METTL8: variants seen among roughly 807,000 people sequenced by gnomAD.
METTL8 encodes methyltransferase 8, tRNA N3-cytidine.
A neutral mutation model predicts 48.7 loss-of-function variants in METTL8; 32 were observed. The observed-to-expected ratio is 0.66, with a 90% confidence interval of 0.50 to 0.88. METTL8 has a LOEUF of 0.88. Ranked by LOEUF, METTL8 falls within the 40% of genes least tolerant of loss-of-function variation. METTL8 has a pLI of 0.00. For synonymous variants in METTL8, 136 were observed against 157.1 expected (o/e 0.87, Z 1.01); for missense variants, 464 against 474.4 (o/e 0.98, Z 0.20).
At chr2:171,356,329 G>T (rs1684535489) in intron 3 of METTL8, among the ~76,000 whole-genome samples, 1 of 152,124 alleles carries the variant, frequency 6.6e-6, no homozygotes, top group Admixed American at 6.6e-5. Context: ...GGTAGAGATA[G>T]GGTTTCACCA....
At chr2:171,375,343 A>G (rs900574987) in intron 2 of METTL8, 5 of 675,586 alleles carry the variant, frequency 7.4e-6, no homozygotes, top group Non-Finnish European at 1.3e-5. Flanking sequence ...CCTCGTTAGC[A>G]TAGTGGTGAG....
rs1490712102 is a variant in METTL8, at chr2:171,339,841, A to ATTGT, written c.236-288_236-287insACAA. Among the ~76,000 whole-genome samples the ATTGT allele has an allele frequency of 3.9e-5, 6 of 152,314 alleles. No homozygotes were observed. The East Asian group carries it at 1.2e-3, about 29-fold the overall frequency. ...TTTTGTGAGAAATATAATCACTGCA[A>ATTGT]ACAACTTTCTAATTTTATCTTAACA... On this transcript the variant is annotated intron_variant, in intron 3 of 9. Transcript: ENST00000375258.
intron 3 of METTL8, among the ~76,000 whole-genome samples, chr2:171,344,949 G>A (rs1355506357): frequency 6.6e-6 from 1 of 152,228 alleles, no homozygotes; most frequent in African/African-American, 2.4e-5. Flanking sequence ...TCAGTATCAA[G>A]CTGCTGGTAA....
chr2:171,402,104 G>A (rs1689705600), intron 1 of METTL8, among the ~76,000 whole-genome samples: 1 of 152,136 alleles, frequency 6.6e-6, no homozygotes, highest in Non-Finnish European at 1.5e-5. Flanking sequence ...GCTCTGAGAA[G>A]CTTTCTGGTA....
intron 5 of METTL8, among the ~76,000 whole-genome samples, chr2:171,337,113 C>T (rs931502363): frequency 1.3e-5 from 2 of 151,982 alleles, no homozygotes; most frequent in South Asian, 4.2e-4. Context: ...GCGATCCACC[C>T]GCCTCAGCCA....
chr2:171,348,133 A>T (rs947200010), intron 3 of METTL8, among the ~76,000 whole-genome samples: 1 of 152,238 alleles, frequency 6.6e-6, no homozygotes, highest in African/African-American at 2.4e-5. Flanking sequence ...TAAAGTCACC[A>T]GAACAATAGT....
At chr2:171,326,860 C>T (rs914523984) in intron 7 of METTL8, 1 of 152,172 alleles carries the variant, frequency 6.6e-6, no homozygotes, top group African/African-American at 2.4e-5. Context: ...TGCATGTTAT[C>T]GATGAATAAT....
chr2:171,387,471 A>T (rs1688175677), intron 2 of METTL8, among the ~76,000 whole-genome samples: 1 of 152,028 alleles, frequency 6.6e-6, no homozygotes, highest in South Asian at 2.1e-4. Context: ...CAGAGGTTGC[A>T]GTGAGCTGAG....
intron 1 of METTL8, among the ~76,000 whole-genome samples, chr2:171,408,392 T>C (rs1690412724): frequency 6.6e-6 from 1 of 151,908 alleles, no homozygotes; most frequent in Non-Finnish European, 1.5e-5. Flanking sequence ...CCTCCCCAGT[T>C]CAAGTGATTC....
chr2:171,392,119 T>G lies in METTL8; in HGVS notation c.67A>C (p.Ser23Arg), dbSNP rs569917058. Residue 23 changes from serine (S) to arginine (R), a missense_variant, in exon 2 of 10, where the codon AGT (serine) becomes CGT (arginine). By Grantham distance (110) the Ser-to-Arg change is moderately radical (BLOSUM62 -1). Coordinates refer to ENST00000375258, the MANE Select transcript of METTL8 (RefSeq NM_001321154.2). ...AGAGGGGCCACTGGGTGGTAACCAC[T>G]TTGGTATCTGTGTGGCACCTTTCCT... Reference protein sequence around the residue: ...RLGKVPHRYQSGYHPVAPLGS... With the variant: ...RLGKVPHRYQRGYHPVAPLGS... 1.2e-5 allele frequency: 18 copies of G among 1,551,656 alleles called. No homozygotes were observed. The African/African-American group carries it at 2.0e-4, about 18-fold the overall frequency.
chr2:171,340,135 T>G (rs1350020768), intron 3 of METTL8, among the ~76,000 whole-genome samples: 2 of 146,674 alleles, frequency 1.4e-5, no homozygotes, highest in Admixed American at 7.0e-5. Context: ...GAGGTGGAGG[T>G]TGCAGTGAGG....
At chr2:171,414,360 T>C (rs970302315) in intron 1 of METTL8, among the ~76,000 whole-genome samples, 4 of 150,400 alleles carry the variant, frequency 2.7e-5, no homozygotes, top group Non-Finnish European at 4.4e-5. Context: ...GAGGATGCGG[T>C]GAGCTGAGAT....
rs1193349670 is a variant in METTL8, at chr2:171,330,674, G to C, written c.745C>G (p.Gln249Glu). Residue 249 changes from glutamine to glutamate, a missense_variant, in exon 7 of 10, where the codon CAG (glutamine) becomes GAG (glutamate). Transcript: ENST00000375258. The part of the protein sequence containing the change: ...VKSHSSYRAT[Q>E]CFAFVHDVCD... ...ACATCATGAACAAAGGCAAAACACT[G>C]GGTTGCTCTGTAGGACGAGTGTGAC... The C allele has an allele frequency of 2.5e-6, 4 of 1,613,106 alleles. No homozygotes were observed. The highest frequency in any genetic ancestry group is 3.4e-6 in the Non-Finnish European group (4 of 1,179,750).
rs1260753071 is a variant in METTL8, at chr2:171,322,964, G to C, written c.*1208C>G. On this transcript the variant is annotated 3_prime_UTR_variant, in exon 10 of 10. Transcript: ENST00000375258. The stretch of plus-strand genomic sequence containing the variant: ...ATGGCACTGGTGGGAGTGTAGCAGT[G>C]AGGACAGCCAGAGGACACTCTCATT... The C allele has an allele frequency of 6.6e-6, 1 of 152,216 alleles. No individual in the cohort carries two copies. Among genetic ancestry groups the C allele is most frequent in the African/African-American group, 2.4e-5 (1 of 41,450 alleles). 9.4% of individuals were successfully genotyped at this position (152,216 alleles called of 1,614,324 possible).
intron 2 of METTL8, among the ~76,000 whole-genome samples, chr2:171,373,784 G>C (rs1423554755): frequency 2.0e-5 from 3 of 152,084 alleles, no homozygotes; most frequent in Non-Finnish European, 2.9e-5. Flanking sequence ...AAGATCAGAT[G>C]GTTGTAGATG....
chr2:171,325,391 G>A (rs1313900790), intron 9 of METTL8, among the ~76,000 whole-genome samples: 1 of 152,094 alleles, frequency 6.6e-6, no homozygotes, highest in African/African-American at 2.4e-5. Context: ...GTCTCATTTT[G>A]TTTTCTAGGC....
chr2:171,424,263 G>A (rs1692173419), intron 1 of METTL8, among the ~76,000 whole-genome samples: 1 of 152,238 alleles, frequency 6.6e-6, no homozygotes, highest in Admixed American at 6.5e-5. Context: ...TGGCAGTGCG[G>A]AAGGGAAATG....
At chr2:171,425,766 G>A (rs764691698) in intron 1 of METTL8, among the ~76,000 whole-genome samples, 6 of 152,246 alleles carry the variant, frequency 3.9e-5, no homozygotes, top group Middle Eastern at 3.4e-3. Flanking sequence ...CTAAAACTGT[G>A]GTAATTTGTT....
Position 171,319,712 on chromosome 2 carries a change from CAA to C in METTL8, c.*4458_*4459del, listed in dbSNP as rs1425156797. 1 of 152,158 alleles carries C rather than the reference CAA, an allele frequency of 6.6e-6. No homozygotes were observed. The highest frequency in any genetic ancestry group is 1.5e-5 in the Non-Finnish European group (1 of 68,040). The allele number at this position is 152,158 out of a possible 1,614,324, so 9.4% of individuals were successfully genotyped here. ...ACAGGCAAATGTGTCATACCGAATG[CAA>C]AACTTTTAATAATAGAAACTGTTAT... is the stretch of plus-strand genomic sequence containing the variant. On this transcript the variant is annotated 3_prime_UTR_variant, in exon 10 of 10. Coordinates refer to ENST00000375258, the MANE Select transcript of METTL8 (RefSeq NM_001321154.2).
Sources: allele counts gnomAD v4.1 joint callset (sites outside exome capture counted in the v4.1 genomes callset), GRCh38; gene constraint gnomAD v4.1.1; transcripts MANE v1.5; gene names NCBI Gene and HGNC (gene_info 2026-07-23, HGNC 2026-07-21).